MDFI: variants seen among roughly 807,000 people sequenced by gnomAD.
MDFI encodes inhibitor of MyoD family a.
MDFI carries 16 observed loss-of-function variants against 22.3 expected under a neutral mutation model. That is an observed-to-expected ratio of 0.72 (90% CI 0.49 to 1.09). The LOEUF (loss-of-function observed/expected upper bound fraction) is 1.09. MDFI is among the 50% of genes least tolerant of loss of function. The pLI, the probability that MDFI is intolerant of heterozygous loss-of-function variation, is 0.00. For synonymous variants in MDFI, 145 were observed against 142.7 expected (o/e 1.02, Z -0.12); for missense variants, 314 against 326.1 (o/e 0.96, Z 0.29).
chr6:41,649,646 G>C lies in MDFI; in HGVS notation c.287G>C (p.Cys96Ser), dbSNP rs759059161. The change falls in exon 4 of 5, where the codon TGC becomes TCC. Residue 96 changes from cysteine (C) to serine (S), a missense_variant. Cys to Ser is a moderately radical substitution (Grantham distance 112, BLOSUM62 -1). Transcript: ENST00000230321. ...CAGCCTCAGGGGAACCCCTTGGGCT[G>C]CACCCCACTTCTGCCGAATGACTCT... ...TCQPQGNPLG[C>S]TPLLPNDSGH... The C allele has an allele frequency of 3.7e-6, 6 of 1,610,452 alleles. No individual in the cohort carries two copies. The Admixed American group carries it at 1.0e-4, about 27-fold the overall frequency.
At chr6:41,648,841 G>A (rs1227101088) in intron 3 of MDFI, among the ~76,000 whole-genome samples, 1 of 152,156 alleles carries the variant, frequency 6.6e-6, no homozygotes, top group African/African-American at 2.4e-5. Context: ...CGGGGTTTGG[G>A]GGGTCTCCAG....
At chr6:41,643,988 G>A (rs1471107618) in intron 2 of MDFI, among the ~76,000 whole-genome samples, 1 of 152,072 alleles carries the variant, frequency 6.6e-6, no homozygotes, top group Non-Finnish European at 1.5e-5. Flanking sequence ...TGCCTCTGGG[G>A]GCCAGGGTCC....
chr6:41,639,138 G>A (rs1767752386), intron 2 of MDFI: 3 of 704,962 alleles, frequency 4.3e-6, no homozygotes, highest in South Asian at 6.4e-5. Flanking sequence ...GTCCGTCTGG[G>A]ATTTGTGTCT....
At position 41,643,659 on chromosome 6, in the gene MDFI, AAGAG is replaced by A. The variant is rs111230687; in HGVS notation, c.77-2459_77-2456del. Among the ~76,000 whole-genome samples, 7 of 150,492 alleles carry A rather than the reference AAGAG, an allele frequency of 4.7e-5. 1 individual carries two copies. Among genetic ancestry groups the A allele is most frequent in the Non-Finnish European group, 7.4e-5 (5 of 67,642 alleles). On this transcript the variant is annotated intron_variant, in intron 2 of 4. Coordinates refer to ENST00000230321, the MANE Select transcript of MDFI (RefSeq NM_005586.4). ...AAGCCAAACTACTCATTAAAAAAAA[AAGAG>A]AGAGAGAAAGGAGGGAGGAAGGAAA...
chr6:41,648,065 A>G (rs958282458), intron 3 of MDFI, among the ~76,000 whole-genome samples: 20 of 150,782 alleles, frequency 1.3e-4, no homozygotes, highest in African/African-American at 4.6e-4. Flanking sequence ...AAAAAAAAAA[A>G]AAGAAGCTGC....
At chr6:41,643,951 AGTT>A (rs937021869) in intron 2 of MDFI, among the ~76,000 whole-genome samples, 6 of 152,162 alleles carry the variant, frequency 3.9e-5, no homozygotes, top group Admixed American at 3.9e-4. Context: ...CAGGTCCCCC[AGTT>A]CAGGGCCCAG....
At chr6:41,640,827 C>T (rs923809362) in intron 2 of MDFI, among the ~76,000 whole-genome samples, 1 of 152,236 alleles carries the variant, frequency 6.6e-6, no homozygotes, top group African/African-American at 2.4e-5. Flanking sequence ...TCCTCCCCAC[C>T]CACCCCTGAG....
chr6:41,649,521 G>A, intron 3 of MDFI, 98 bp from the exon 4 acceptor site: 1 of 1,132,598 alleles, frequency 8.8e-7, no homozygotes, highest in South Asian at 1.5e-5. Context: ...GGTGCTTTGG[G>A]GTATATGTAA....
intron 3 of MDFI, 120 bp downstream of exon 3, chr6:41,646,428 C>G: frequency 1.2e-6 from 1 of 855,702 alleles, no homozygotes; most frequent in East Asian, 3.3e-5. Flanking sequence ...AGTGTGGCAG[C>G]ACAGGCAGCA....
chr6:41,637,357 C>T (rs1384490013), upstream of MDFI: 1 of 152,162 alleles, frequency 6.6e-6, no homozygotes, highest in Non-Finnish European at 1.5e-5. This position sits in a 1 kb window ranked among gnomAD's most constrained non-coding sequence, Gnocchi z 6.8. Context: ...CTCTCCACTT[C>T]CAGACCCGGC....
intron 2 of MDFI, among the ~76,000 whole-genome samples, chr6:41,645,720 C>T (rs1386772032): frequency 6.6e-6 from 1 of 152,170 alleles, no homozygotes; most frequent in Non-Finnish European, 1.5e-5. Flanking sequence ...GATGCTCTAT[C>T]TCCCTTTACC....
chr6:41,639,528 G>A (rs1463436379), intron 2 of MDFI: 3 of 985,328 alleles, frequency 3.0e-6, no homozygotes, highest in Non-Finnish European at 3.6e-6. Flanking sequence ...GGGGTTTGGA[G>A]TAGGGGCCTC....
intron 2 of MDFI, among the ~76,000 whole-genome samples, chr6:41,641,273 G>C (rs1474352315): frequency 2.6e-5 from 4 of 152,212 alleles, no homozygotes; most frequent in Admixed American, 2.0e-4. Flanking sequence ...CTGTAGTCTG[G>C]TTGAGAAGCC....
chr6:41,651,508 TAGCA>T lies in MDFI; in HGVS notation c.484+1666_484+1669del, dbSNP rs1768271242. ...GGTGAACTGCCAAAGGTGAGACTCCTAGCAGGCAGGGGTCCTGGGAGGTCCTTAC... is the reference window on the plus strand; with the variant it reads ...GGTGAACTGCCAAAGGTGAGACTCCTGGCAGGGGTCCTGGGAGGTCCTTAC... On this transcript the variant is annotated intron_variant, in intron 4 of 4. Coordinates refer to ENST00000230321, the MANE Select transcript of MDFI (RefSeq NM_005586.4). Among the ~76,000 whole-genome samples, 2 of 151,914 alleles carry T rather than the reference TAGCA, an allele frequency of 1.3e-5. 1 individual carries two copies. The highest frequency in any genetic ancestry group is 4.8e-5 in the African/African-American group (2 of 41,306).
intron 3 of MDFI, among the ~76,000 whole-genome samples, chr6:41,648,747 T>C (rs1468068097): frequency 2.6e-5 from 4 of 151,734 alleles, no homozygotes; most frequent in Non-Finnish European, 5.9e-5. Context: ...CATACACACC[T>C]CCCCTCATCT....
At chr6:41,646,462 G>T (rs936341648) in intron 3 of MDFI, among the ~76,000 whole-genome samples, 154 bp downstream of exon 3, 1 of 152,202 alleles carries the variant, frequency 6.6e-6, no homozygotes, top group Admixed American at 6.5e-5. Flanking sequence ...CACTGTCACT[G>T]TGCTTTCTGT....
chr6:41,646,099 G>T, intron 2 of MDFI, 27 bp from the exon 3 acceptor site: 1 of 1,438,272 alleles, frequency 7.0e-7, no homozygotes, highest in Non-Finnish European at 9.2e-7. Flanking sequence ...CAGGAAAATG[G>T]ACCTCAGTCA....
intron 2 of MDFI, among the ~76,000 whole-genome samples, chr6:41,641,991 G>A (rs1767868278): frequency 6.6e-6 from 1 of 152,106 alleles, no homozygotes; most frequent in South Asian, 2.1e-4. Flanking sequence ...TCCCATCTGG[G>A]GCGTCTTTCC....
At chr6:41,652,641 C>A (rs1581846158) in intron 4 of MDFI, among the ~76,000 whole-genome samples, 1 of 120,254 alleles carries the variant, frequency 8.3e-6, no homozygotes, top group Non-Finnish European at 1.6e-5. Flanking sequence ...GAGAGAGAGT[C>A]CAGCTCTTGT....
Sources: allele counts gnomAD v4.1 joint callset (sites outside exome capture counted in the v4.1 genomes callset), GRCh38; gene constraint gnomAD v4.1.1; non-coding constraint Gnocchi (gnomAD v3.1); transcripts MANE v1.5; gene names NCBI Gene and HGNC (gene_info 2026-07-23, HGNC 2026-07-21).